Variants in GRIK2 observed in about 807,000 individuals in gnomAD.
GRIK2 encodes glutamate receptor ionotropic, kainate 2.
A neutral mutation model predicts 100.3 loss-of-function variants in GRIK2; 32 were observed. The observed-to-expected ratio is 0.32, with a 90% confidence interval of 0.24 to 0.43. GRIK2 has a LOEUF of 0.43. Among genes scored for constraint, GRIK2 ranks in the 20% least tolerant of loss-of-function variants. The pLI, the probability that GRIK2 is intolerant of heterozygous loss-of-function variation, is 1.00. For synonymous variants in GRIK2, 417 were observed against 389.4 expected, an observed-to-expected ratio of 1.07 and a Z score of -0.83; for missense variants, 843 against 1,114.9, an observed-to-expected ratio of 0.76 and a Z score of 3.47.
intron 9 of GRIK2, among the ~76,000 whole-genome samples, chr6:101,804,683 G>T (rs1227242983): frequency 6.6e-6 from 1 of 151,822 alleles, no homozygotes; most frequent in Non-Finnish European, 1.5e-5. Context: ...GAAATAAACT[G>T]GCATAAACCT....
At chr6:101,878,056 T>G (rs564979201) in intron 11 of GRIK2, among the ~76,000 whole-genome samples, 23 of 146,712 alleles carry the variant, frequency 1.6e-4, no homozygotes, top group Admixed American at 1.6e-3. Flanking sequence ...ATGAAGTGCT[T>G]AGAATCGTGC....
chr6:101,520,684 C>A (rs553207487), intron 2 of GRIK2, among the ~76,000 whole-genome samples: 154 of 151,996 alleles, frequency 1.0e-3, no homozygotes, highest in African/African-American at 3.6e-3. Flanking sequence ...AGCAGAAAAT[C>A]TGAAGAATTT....
At chr6:101,431,238 C>T in intron 2 of GRIK2, 1 of 170,664 alleles carries the variant, frequency 5.9e-6, no homozygotes, top group Non-Finnish European at 1.3e-5. Flanking sequence ...GGAAATAATG[C>T]TGTGCTTGAA....
At chr6:101,671,018 T>G (rs1428242295) in intron 4 of GRIK2, among the ~76,000 whole-genome samples, 1 of 152,214 alleles carries the variant, frequency 6.6e-6, no homozygotes, top group Non-Finnish European at 1.5e-5. Context: ...AATTTACATT[T>G]GACGCTCACA....
rs1481377338 is a variant in GRIK2, at chr6:102,042,873, C to CCAGT, written c.2311+7310_2311+7313dup. ...GAAATATGACAGCAAATCTATTTCA[C>CCAGT]CAGTCACTTTTAACTAATATATATG... On this transcript the variant is annotated intron_variant, in intron 15 of 16. Transcript: ENST00000369134. Among the ~76,000 whole-genome samples the CCAGT allele has an allele frequency of 2.0e-5, 3 of 151,580 alleles. No homozygotes were observed. In the East Asian group the frequency reaches 5.8e-4, roughly 29 times the overall value.
At chr6:101,777,759 G>A (rs1350290041) in intron 7 of GRIK2, among the ~76,000 whole-genome samples, 1 of 152,154 alleles carries the variant, frequency 6.6e-6, no homozygotes, top group Non-Finnish European at 1.5e-5. Context: ...GTTCCAGAAT[G>A]GATCTGCCAC....
intron 14 of GRIK2, among the ~76,000 whole-genome samples, chr6:101,992,462 CAA>C (rs1794429436): frequency 6.6e-6 from 1 of 151,650 alleles, no homozygotes; most frequent in African/African-American, 2.4e-5. Flanking sequence ...AGAAAAATAA[CAA>C]AGAGCAAAAA....
At chr6:101,900,499 T>C (rs1562474827) in intron 12 of GRIK2, among the ~76,000 whole-genome samples, 1 of 152,142 alleles carries the variant, frequency 6.6e-6, no homozygotes, top group East Asian at 1.9e-4. Context: ...GATATTTTAG[T>C]TGAAAACAAA....
At chr6:101,627,117 CTGTGTGTGTGTG>C (rs111285339) in intron 4 of GRIK2, among the ~76,000 whole-genome samples, 17 of 145,054 alleles carry the variant, frequency 1.2e-4, no homozygotes, top group Admixed American at 4.8e-4. Context: ...GTGTGTGTCT[CTGTGTGTGTGTG>C]TGTGTGTGTG....
intron 15 of GRIK2, among the ~76,000 whole-genome samples, chr6:102,041,336 A>C (rs1372983786): frequency 6.6e-6 from 1 of 151,730 alleles, no homozygotes; most frequent in Non-Finnish European, 1.5e-5. Context: ...TATTAGTCCA[A>C]GACCATGGCT....
intron 2 of GRIK2, among the ~76,000 whole-genome samples, chr6:101,618,617 C>A (rs1311502476): frequency 6.6e-6 from 1 of 151,720 alleles, no homozygotes. Context: ...TTCTCGTATA[C>A]TTCACATGTT....
At chr6:101,446,273 G>A (rs2128247580) in intron 2 of GRIK2, among the ~76,000 whole-genome samples, 1 of 151,976 alleles carries the variant, frequency 6.6e-6, no homozygotes, top group South Asian at 2.1e-4. Flanking sequence ...TGCAAATTTA[G>A]AAGTATACTC....
chr6:101,909,376 C>CTTTTTTT (rs1562480900), intron 12 of GRIK2, among the ~76,000 whole-genome samples: 1 of 129,214 alleles, frequency 7.7e-6, no homozygotes. Flanking sequence ...ATAGGGTTTT[C>CTTTTTTT]TTTTTCTTTT....
chr6:101,756,764 C>T (rs1224111151), intron 7 of GRIK2, among the ~76,000 whole-genome samples: 2 of 152,168 alleles, frequency 1.3e-5, no homozygotes, highest in Non-Finnish European at 2.9e-5. Context: ...AGTACTACAA[C>T]TTCTTAGACA....
intron 2 of GRIK2, among the ~76,000 whole-genome samples, chr6:101,596,815 TA>T (rs796434082): frequency 9.9e-5 from 15 of 151,816 alleles, no homozygotes; most frequent in African/African-American, 3.4e-4. Flanking sequence ...CCAAAGTAGG[TA>T]ACTCTTTTTT....
At chr6:101,832,714 AT>A (rs542149636) in intron 10 of GRIK2, among the ~76,000 whole-genome samples, 68 of 152,304 alleles carry the variant, frequency 4.5e-4, no homozygotes, top group Middle Eastern at 3.4e-3. Context: ...TTTCTGTAAT[AT>A]ACATTTCATT....
rs184210729 is a variant in GRIK2, at chr6:101,868,313, G to T, written c.1524+8820G>T. On this transcript the variant is annotated intron_variant, in intron 11 of 16. Transcript: ENST00000369134. ...GCTCAAACAAAATGTATGTAAAAAT[G>T]AAAATAGAAATATAAATTAAGGGCA... Among the ~76,000 whole-genome samples, 9 of 151,674 alleles carry T rather than the reference G, an allele frequency of 5.9e-5. No individual in the cohort carries two copies. The East Asian group carries it at 1.7e-3, about 29-fold the overall frequency.
intron 2 of GRIK2, chr6:101,620,112 G>T (rs1022169393): frequency 6.1e-6 from 1 of 163,818 alleles, no homozygotes; most frequent in African/African-American, 2.4e-5. Flanking sequence ...AGCTCAGACT[G>T]AGGTTTTAAG....
At chr6:101,926,720 T>C (rs1171080154) in intron 13 of GRIK2, among the ~76,000 whole-genome samples, 2 of 152,164 alleles carry the variant, frequency 1.3e-5, no homozygotes, top group African/African-American at 4.8e-5. Context: ...ATGCCCAGCT[T>C]CCCAGGAATT....
Sources: allele counts gnomAD v4.1 joint callset (sites outside exome capture counted in the v4.1 genomes callset), GRCh38; gene constraint gnomAD v4.1.1; transcripts MANE v1.5; gene names NCBI Gene and HGNC (gene_info 2026-07-23, HGNC 2026-07-21).